The following ELSPBP1 variants were observed in gnomAD, a reference collection of about 807,000 sequenced individuals.
ELSPBP1 encodes epididymal sperm-binding protein 1.
Under a neutral mutation model 33.3 loss-of-function variants are expected in ELSPBP1, and 38 were observed. The observed-to-expected ratio is 1.14, with a 90% confidence interval of 0.88 to 1.50. The LOEUF is 1.50. ELSPBP1 is among the 40% of genes most tolerant of loss of function. ELSPBP1 has a pLI of 0.00. For synonymous variants in ELSPBP1, 85 were observed against 94.1 expected (o/e 0.90, Z 0.56); for missense variants, 267 against 263.5 (o/e 1.01, Z -0.09).
Position 48,011,252 on chromosome 19 carries a change from T to C in ELSPBP1, c.70+2515T>C, listed in dbSNP as rs1044745732. ...GGGTTGATGATGATGATGACAATGA[T>C]TGATAATGATGATGACAATGACGAT... On this transcript the variant is annotated intron_variant, in intron 2 of 6. Coordinates refer to ENST00000339841, the MANE Select transcript of ELSPBP1 (RefSeq NM_022142.5). The surrounding 1 kb of genome is among the most constrained non-coding windows in gnomAD (Gnocchi z 4.5). Among the ~76,000 whole-genome samples the C allele has an allele frequency of 5.9e-5, 9 of 151,414 alleles. No individual in the cohort carries two copies. The highest frequency in any genetic ancestry group is 2.2e-4 in the African/African-American group (9 of 41,198).
chr19:48,012,451 A>G (rs774464529), intron 2 of ELSPBP1, among the ~76,000 whole-genome samples: 29 of 152,052 alleles, frequency 1.9e-4, no homozygotes, highest in Non-Finnish European at 3.8e-4. Context: ...TTCAGGGACC[A>G]TTAGTCTCTA....
chr19:47,998,711 C>T (rs926166299), intron 1 of ELSPBP1, among the ~76,000 whole-genome samples: 2 of 146,308 alleles, frequency 1.4e-5, no homozygotes, highest in Non-Finnish European at 1.5e-5. Flanking sequence ...GGCGTGGACC[C>T]GGGAGGCGGA....
At chr19:48,013,375 C>A (rs111640822) in intron 2 of ELSPBP1, among the ~76,000 whole-genome samples, 76 of 152,258 alleles carry the variant, frequency 5.0e-4, no homozygotes, top group African/African-American at 1.7e-3. Context: ...AGGTGTGTAG[C>A]CTTCAGGCCA....
chr19:47,995,927 C>T (rs1011672409), intron 1 of ELSPBP1, among the ~76,000 whole-genome samples: 3 of 152,148 alleles, frequency 2.0e-5, no homozygotes, highest in African/African-American at 7.2e-5. Context: ...CTTAAGAGAA[C>T]GAGAGGGCAG....
At position 48,020,587 on chromosome 19, in the gene ELSPBP1, G is replaced by C. The variant is rs138914009; in HGVS notation, c.514+710G>C. On this transcript the variant is annotated intron_variant, in intron 5 of 6. Coordinates refer to ENST00000339841, the MANE Select transcript of ELSPBP1 (RefSeq NM_022142.5). ...CAAAGTTTAGCGAGTTGACGCATTT[G>C]CACCTGTGGAATCCATGAAAGATGA... Among the ~76,000 whole-genome samples the C allele has an allele frequency of 3.8e-3, 584 of 152,260 alleles. 5 individuals carry two copies. The highest frequency in any genetic ancestry group is 5.8e-3 in the Non-Finnish European group (395 of 68,022).
chr19:48,023,406 AGGG>A (rs1967227610), intron 6 of ELSPBP1, among the ~76,000 whole-genome samples: 1 of 86,884 alleles, frequency 1.2e-5, no homozygotes, highest in African/African-American at 4.3e-5. Context: ...GGAGGAAGTG[AGGG>A]AGGAGGGAGG....
chr19:47,996,429 T>C (rs572657088), intron 1 of ELSPBP1, among the ~76,000 whole-genome samples: 9 of 151,982 alleles, frequency 5.9e-5, no homozygotes, highest in South Asian at 2.1e-4. Flanking sequence ...AATGGATGAA[T>C]AGAAGGATAA....
At chr19:47,998,961 T>C (rs967582239) in intron 1 of ELSPBP1, among the ~76,000 whole-genome samples, 1 of 152,070 alleles carries the variant, frequency 6.6e-6, no homozygotes, top group African/African-American at 2.4e-5. Flanking sequence ...AGGGGAAAAA[T>C]GAAGGGTCCA....
At chr19:47,998,168 C>T (rs979261658) in intron 1 of ELSPBP1, among the ~76,000 whole-genome samples, 6 of 152,122 alleles carry the variant, frequency 3.9e-5, no homozygotes, top group African/African-American at 1.4e-4. Flanking sequence ...AATCCCAGCA[C>T]TTAGGGGGGC....
intron 1 of ELSPBP1, among the ~76,000 whole-genome samples, chr19:48,003,866 C>T (rs1443801444): frequency 2.0e-5 from 3 of 150,762 alleles, no homozygotes; most frequent in East Asian, 3.9e-4. Flanking sequence ...CACTTTAACC[C>T]CTCCCGTGGC....
At chr19:48,018,093 C>T (rs566568819) in intron 4 of ELSPBP1, among the ~76,000 whole-genome samples, 17 of 152,110 alleles carry the variant, frequency 1.1e-4, no homozygotes, top group Admixed American at 5.2e-4. Context: ...TTTGGCTTCC[C>T]CATTAGGTTA....
intron 1 of ELSPBP1, among the ~76,000 whole-genome samples, chr19:48,008,381 C>T (rs762502807): frequency 4.6e-5 from 7 of 152,132 alleles, no homozygotes; most frequent in Non-Finnish European, 7.3e-5. Flanking sequence ...CACAGGCATA[C>T]ACCACCATGC....
chr19:48,002,267 G>A (rs180707412), intron 1 of ELSPBP1, among the ~76,000 whole-genome samples: 4 of 152,222 alleles, frequency 2.6e-5, no homozygotes, highest in Admixed American at 1.3e-4. Flanking sequence ...GGCTCTTTCT[G>A]GCATTATAAC....
Position 48,008,631 on chromosome 19 carries a change from T to G in ELSPBP1, c.-17-20T>G, listed in dbSNP as rs16982100. The G allele has an allele frequency of 0.071, 113,919 of 1,597,630 alleles. 5,798 individuals are homozygous for G. The highest frequency in any genetic ancestry group is 0.26 in the African/African-American group (19,652 of 74,356). ...GGAAGGGGACGTGTGGGATGAAAAT[T>G]TTTGTCTTCTTTTCCACAGAGAAGA... is the stretch of plus-strand genomic sequence containing the variant. On this transcript the variant is annotated intron_variant, in intron 1 of 6. Coordinates refer to ENST00000339841, the MANE Select transcript of ELSPBP1 (RefSeq NM_022142.5).
Position 48,011,444 on chromosome 19 carries a change from ACAG to A in ELSPBP1, c.70+2708_70+2710del, listed in dbSNP as rs1967077797. Among the ~76,000 whole-genome samples the A allele has an allele frequency of 1.5e-5, 1 of 67,000 alleles. No homozygotes were observed. The highest frequency in any genetic ancestry group is 1.3e-3 in the East Asian group (1 of 754). 44.0% of individuals were successfully genotyped at this position (67,000 alleles called of 152,430 possible). On this transcript the variant is annotated intron_variant, in intron 2 of 6. Transcript: ENST00000339841. The surrounding 1 kb of genome is among the most constrained non-coding windows in gnomAD (Gnocchi z 4.5). ...GAGGAGGAGAATAATGATCACGATG[ACAG>A]TGATGATGATGACAATGACAATAAT...
At chr19:48,003,630 G>T (rs899512553) in intron 1 of ELSPBP1, among the ~76,000 whole-genome samples, 2 of 149,802 alleles carry the variant, frequency 1.3e-5, no homozygotes, top group Non-Finnish European at 3.0e-5. Flanking sequence ...TCCGCCTCCT[G>T]GGTTCAAGTG....
At chr19:48,004,525 C>A (rs2122297326) in intron 1 of ELSPBP1, among the ~76,000 whole-genome samples, 1 of 152,262 alleles carries the variant, frequency 6.6e-6, no homozygotes, top group East Asian at 1.9e-4. Context: ...CAGGCAGTTT[C>A]CACGTCGGCT....
chr19:48,019,924 T>A (rs2122333543), intron 5 of ELSPBP1, 47 bp downstream of exon 5: 1 of 1,581,572 alleles, frequency 6.3e-7, no homozygotes, highest in Non-Finnish European at 8.6e-7. Flanking sequence ...AGTCTTTCTT[T>A]CATTTGCTCA....
At chr19:48,000,773 C>T (rs62131799) in intron 1 of ELSPBP1, among the ~76,000 whole-genome samples, 27,740 of 152,148 alleles carry the variant, frequency 0.18, 2,764 homozygotes, top group Non-Finnish European at 0.22. Flanking sequence ...GACACCTTTG[C>T]TCCGTACCTG....
Sources: gnomAD v4.1 joint callset for allele counts (sites outside exome capture counted in the v4.1 genomes callset) on GRCh38, gnomAD v4.1.1 for gene constraint, Gnocchi (gnomAD v3.1) non-coding constraint, MANE v1.5 for transcripts, NCBI Gene and HGNC (gene_info 2026-07-23, HGNC 2026-07-21) for gene names.